Variants in SCHIP1 observed in about 807,000 individuals in gnomAD.
SCHIP1 encodes the protein schwannomin interacting protein 1.
In SCHIP1, 8 loss-of-function variants were observed where a neutral mutation model predicts 29.7. That is an observed-to-expected ratio of 0.27 (90% confidence interval 0.16 to 0.49). The LOEUF is 0.49. Among genes scored for constraint, SCHIP1 ranks in the 20% least tolerant of loss-of-function variants. The pLI, the probability that SCHIP1 is intolerant of heterozygous loss-of-function variation, is 0.99. For missense variants in SCHIP1, 193 were observed against 294.6 expected (o/e 0.66, Z 2.52); for synonymous variants, 76 against 94.9 (o/e 0.80, Z 1.16).
At chr3:159,374,575 AAATC>A in the SCHIP1 span, among the ~76,000 whole-genome samples, 1 of 152,208 alleles carries the variant, frequency 6.6e-6, no homozygotes, top group Non-Finnish European at 1.5e-5. Context: ...AGACATGACA[AAATC>A]AATTCATGCA....
the SCHIP1 span, among the ~76,000 whole-genome samples, chr3:159,415,077 G>A: frequency 1.9e-4 from 29 of 152,150 alleles, no homozygotes; most frequent in Non-Finnish European, 3.7e-4. Flanking sequence ...AATTTGTTTT[G>A]AGATCAGACC....
chr3:159,323,390 A>G, the SCHIP1 span, among the ~76,000 whole-genome samples: 1 of 152,320 alleles, frequency 6.6e-6, no homozygotes, highest in African/African-American at 2.4e-5. Flanking sequence ...GTAGGCATCT[A>G]TGGTTGTATA....
chr3:159,562,688 C>T, the SCHIP1 span, among the ~76,000 whole-genome samples: 1 of 152,166 alleles, frequency 6.6e-6, no homozygotes, highest in Admixed American at 6.5e-5. Context: ...TTGTAAGTTG[C>T]CAACTCTCAG....
chr3:159,555,879 G>C, the SCHIP1 span, among the ~76,000 whole-genome samples: 1 of 152,172 alleles, frequency 6.6e-6, no homozygotes, highest in Middle Eastern at 3.4e-3. Context: ...TTAACACATG[G>C]ACACAGGGAG....
the SCHIP1 span, chr3:159,274,955 A>G: frequency 2.0e-6 from 2 of 981,306 alleles, no homozygotes; most frequent in Non-Finnish European, 2.4e-6. Context: ...TTCAAATATA[A>G]TGGATTCTTT....
chr3:159,581,956 C>G, the SCHIP1 span, among the ~76,000 whole-genome samples: 1 of 151,882 alleles, frequency 6.6e-6, no homozygotes, highest in African/African-American at 2.4e-5. Context: ...GGGTCTTTTC[C>G]CTATACGAAA....
At chr3:159,672,834 A>G in the SCHIP1 span, among the ~76,000 whole-genome samples, 2 of 152,224 alleles carry the variant, frequency 1.3e-5, no homozygotes, top group Non-Finnish European at 1.5e-5. Context: ...TAAATAAAAT[A>G]TAAGTAAAGG....
the SCHIP1 span, among the ~76,000 whole-genome samples, chr3:159,728,345 T>C: frequency 6.6e-6 from 1 of 152,166 alleles, no homozygotes; most frequent in Non-Finnish European, 1.5e-5. Context: ...AAGGCAGAAA[T>C]TCTCTTGACA....
At chr3:159,717,672 T>C in the SCHIP1 span, among the ~76,000 whole-genome samples, 2 of 152,010 alleles carry the variant, frequency 1.3e-5, no homozygotes, top group Admixed American at 1.3e-4. Flanking sequence ...ATCCCAAGAC[T>C]AAAATAGGAA....
At chr3:159,665,646 C>A in the SCHIP1 span, among the ~76,000 whole-genome samples, 1 of 151,940 alleles carries the variant, frequency 6.6e-6, no homozygotes, top group African/African-American at 2.4e-5. Flanking sequence ...GATAGGGGAG[C>A]CCAGTAGGCA....
chr3:159,608,469 C>T, the SCHIP1 span, among the ~76,000 whole-genome samples: 36 of 152,322 alleles, frequency 2.4e-4, no homozygotes, highest in African/African-American at 7.9e-4. Flanking sequence ...ACAACACTGT[C>T]CGTCTGTTCC....
chr3:159,711,374 A>G, the SCHIP1 span, among the ~76,000 whole-genome samples: 1 of 145,424 alleles, frequency 6.9e-6, no homozygotes, highest in South Asian at 2.2e-4. Context: ...AAAAAAAAAA[A>G]AAAAAAAAAA....
chr3:159,446,715 G>T, the SCHIP1 span, among the ~76,000 whole-genome samples: 1 of 152,170 alleles, frequency 6.6e-6, no homozygotes, highest in South Asian at 2.1e-4. Context: ...GTGATTAGGG[G>T]TCAAATCCTC....
chr3:159,507,061 G>A, the SCHIP1 span, among the ~76,000 whole-genome samples: 173 of 152,196 alleles, frequency 1.1e-3, no homozygotes, highest in Middle Eastern at 3.4e-3. Context: ...CTTGGGCAGT[G>A]TGGCCATTTT....
At chr3:159,375,181 T>C in the SCHIP1 span, among the ~76,000 whole-genome samples, 3 of 152,176 alleles carry the variant, frequency 2.0e-5, no homozygotes, top group South Asian at 6.2e-4. Context: ...ACTCACATTT[T>C]AGTCAGATCA....
chr3:159,624,750 C>A, the SCHIP1 span, among the ~76,000 whole-genome samples: 2 of 152,156 alleles, frequency 1.3e-5, no homozygotes, highest in Non-Finnish European at 2.9e-5. Context: ...TAAGAACCAC[C>A]ATGACCCAGA....
chr3:159,834,455 C>T, the SCHIP1 span, among the ~76,000 whole-genome samples: 12 of 152,224 alleles, frequency 7.9e-5, no homozygotes, highest in African/African-American at 2.2e-4. Flanking sequence ...CCAAACTTCT[C>T]GAGGGCAGAA....
At chr3:159,603,053 C>G in the SCHIP1 span, among the ~76,000 whole-genome samples, 3 of 152,134 alleles carry the variant, frequency 2.0e-5, no homozygotes, top group Non-Finnish European at 4.4e-5. Context: ...GACTGACTGG[C>G]TGTAAATCAG....
the SCHIP1 span, among the ~76,000 whole-genome samples, chr3:159,427,966 T>C: frequency 2.6e-5 from 4 of 152,134 alleles, no homozygotes; most frequent in South Asian, 2.1e-4. Flanking sequence ...ATTTAATAAA[T>C]GGTGCTGGGA....
Sources: gnomAD v4.1 joint callset for allele counts (sites outside exome capture counted in the v4.1 genomes callset) on GRCh38, gnomAD v4.1.1 for gene constraint, MANE v1.5 for transcripts, NCBI Gene and HGNC (gene_info 2026-07-23, HGNC 2026-07-21) for gene names.